Variants in TTN observed in about 807,000 individuals in gnomAD.
The protein encoded by TTN is connectin.
A neutral mutation model predicts 3,223.0 loss-of-function variants in TTN; 1,525 were observed. The ratio of observed to expected loss-of-function variants is 0.47; its 90% CI spans 0.45 to 0.49. TTN has a LOEUF of 0.49. Ranked by LOEUF, TTN falls within the 20% of genes least tolerant of loss-of-function variation. TTN has a pLI of 0.00. For missense variants in TTN, 40,786 were observed against 43,424.0 expected (o/e 0.94, Z 5.40); for synonymous variants, 14,094 against 15,161.0 (o/e 0.93, Z 5.17).
chr2:178,740,787 T>A lies in TTN; in HGVS notation c.12446A>T (p.Asn4149Ile). 1 of 1,613,510 alleles carries A rather than the reference T, an allele frequency of 6.2e-7. No homozygotes were observed. Reference sequence around the variant, plus strand: ...GGACTGTACAATCTGCAGCTGTAGGTTGGGAGATGGTTCCTTGAGAGGCTG... The same window carrying A: ...GGACTGTACAATCTGCAGCTGTAGGATGGGAGATGGTTCCTTGAGAGGCTG... ...HFQPLKEPSPNLQLQIVQSQK... is the reference protein window; with the variant it reads ...HFQPLKEPSPILQLQIVQSQK... The change falls in exon 48 of 363, where the codon AAC (asparagine) becomes ATC (isoleucine). Residue 4149 changes from asparagine to isoleucine, a missense_variant. Physicochemically the swap from Asn to Ile is moderately radical, Grantham distance 149 (BLOSUM62 -3). Transcript: ENST00000589042.
chr2:178,745,675 G>C, intron 47 of TTN: 3 of 1,611,876 alleles, frequency 1.9e-6, no homozygotes, highest in Non-Finnish European at 2.5e-6. Flanking sequence ...TCTTTACTAA[G>C]CTTGTTATAA....
chr2:178,561,472 A>G lies in TTN; in HGVS notation c.84660T>C (p.Asp28220=), dbSNP rs1202234591. 6.2e-7 allele frequency: 1 copy of G among 1,613,806 alleles called. No homozygotes were observed. Among genetic ancestry groups the G allele is most frequent in the South Asian group, 1.1e-5 (1 of 91,084 alleles). ...ADTQMKVSGL[D]EGLMYEYRVY... is the part of the protein sequence containing the mutation. Reference sequence around the variant, plus strand: ...CACGATACTCATACATCAGTCCTTCATCAAGGCCGGAGACTTTCATTTGAG... The same window carrying G: ...CACGATACTCATACATCAGTCCTTCGTCAAGGCCGGAGACTTTCATTTGAG... Residue 28220 remains aspartate, a synonymous_variant, in exon 326 of 363, where the codon GAT becomes GAC. Coordinates refer to ENST00000589042, the MANE Select transcript of TTN (RefSeq NM_001267550.2).
In TTN at chr2:178,714,280, C is replaced by A; in HGVS notation, c.26482+12G>T. On this transcript the variant is annotated intron_variant, in intron 91 of 362. Transcript: ENST00000589042. ...TGCCTTGTATCTGTGATAACATCAT[C>A]TTTTTACTAACCGAGAACGGATAGC... 1 of 1,607,740 alleles carries A rather than the reference C, an allele frequency of 6.2e-7. No individual in the cohort carries two copies. The highest frequency in any genetic ancestry group is 1.1e-5 in the South Asian group (1 of 90,538).
chr2:178,627,595 T>TA (rs1480464469), intron 240 of TTN, among the ~76,000 whole-genome samples: 2 of 151,974 alleles, frequency 1.3e-5, no homozygotes, highest in African/African-American at 4.8e-5. Flanking sequence ...AAAAGAGATG[T>TA]AAAGGGGCCC....
Position 178,624,502 on chromosome 2 carries a change from A to T in TTN, c.44778T>A (p.Ala14926=), listed in dbSNP as rs369800238. Residue 14926 remains alanine (A), a synonymous_variant, in exon 242 of 363, where the codon GCT becomes GCA. Coordinates refer to ENST00000589042, the MANE Select transcript of TTN (RefSeq NM_001267550.2). ...GGTTACAGGAAGTCTTAAAATCCTT[A>T]GCATCACAAGTGTATGTTTTAATAT... ...PEDIKTYTCD[A]KDFKTSCNLN... The T allele has an allele frequency of 1.9e-6, 3 of 1,612,560 alleles. No homozygotes were observed. In the African/African-American group the frequency reaches 4.0e-5, roughly 22 times the overall value.
At position 178,773,948 on chromosome 2, in the gene TTN, T is replaced by C. The variant is rs748869225; in HGVS notation, c.7220A>G (p.Lys2407Arg). Residue 2407 changes from lysine (K) to arginine (R), a missense_variant, in exon 31 of 363, where the codon AAA becomes AGA. By Grantham distance (26) the Lys-to-Arg change is conservative. Coordinates refer to ENST00000589042, the MANE Select transcript of TTN (RefSeq NM_001267550.2). ...TTCAATGAGCAGCATATGAGATTGT[T>C]TGTCTATCACAATGTGAACCCTGTC... ...PSDRVHIVID[K>R]QSHMLLIEDM... 2.5e-6 allele frequency: 4 copies of C among 1,614,126 alleles called. No individual in the cohort carries two copies. In the Admixed American group the frequency reaches 5.0e-5, roughly 20 times the overall value.
At position 178,577,222 on chromosome 2, in the gene TTN, A is replaced by G; in HGVS notation, c.69113T>C (p.Leu23038Pro). The change falls in exon 324 of 363, where the codon CTT becomes CCT. Residue 23038 changes from leucine to proline, a missense_variant. Leu to Pro is a moderately conservative substitution (Grantham distance 98). Transcript: ENST00000589042. ...TKVEHVKVTV[L>P]DVPGPPGPVE... Reference sequence around the variant, plus strand: ...AGGACCTGGGGGACCAGGTACATCAAGGACTGTTACCTTCACATGTTCCAC... The same window carrying G: ...AGGACCTGGGGGACCAGGTACATCAGGGACTGTTACCTTCACATGTTCCAC... 6.2e-7 allele frequency: 1 copy of G among 1,612,982 alleles called. No individual in the cohort carries two copies. The highest frequency in any genetic ancestry group is 8.5e-7 in the Non-Finnish European group (1 of 1,179,486).
Position 178,741,281 on chromosome 2 carries a change from G to T in TTN, c.11952C>A (p.Tyr3984Ter). 6.2e-7 allele frequency: 1 copy of T among 1,613,888 alleles called. No homozygotes were observed. Among genetic ancestry groups the T allele is most frequent in the Non-Finnish European group, 8.5e-7 (1 of 1,179,840 alleles). Residue 3984 changes from tyrosine to a stop codon, truncating the protein, a stop_gained, in exon 48 of 363, where the codon TAC (tyrosine) becomes TAA (stop). Transcript: ENST00000589042. LOFTEE classifies it high-confidence loss of function. ...ENKQLCTSVY[Y>*]TIIHNPNGSG... ...AGCCATTAGGGTTATGAATGATAGT[G>T]TAATAAACACTGGTGCAAAGCTGCT...
rs537445357 is a variant in TTN, at chr2:178,601,283, T to C, written c.55714A>G (p.Thr18572Ala). Residue 18572 changes from threonine to alanine, a missense_variant, in exon 287 of 363, where the codon ACT becomes GCT. By Grantham distance (58) the Thr-to-Ala change is moderately conservative. Transcript: ENST00000589042. ...GPPVETIQRT[T>A]ARDPIYPPDP... ...AGCTTACATATCGGATCTCTGGCAG[T>C]GGTCCTCTGAATGGTTTCCACAGGT... 16 of 1,558,460 alleles carry C rather than the reference T, an allele frequency of 1.0e-5. No homozygotes were observed. The African/African-American group carries it at 2.1e-4, about 20-fold the overall frequency.
chr2:178,771,620 G>GAAATAT, intron 33 of TTN, 149 bp from the exon 34 acceptor site: 1 of 1,173,356 alleles, frequency 8.5e-7, no homozygotes, highest in East Asian at 2.6e-5. Context: ...ATATTGAGAA[G>GAAATAT]GTACCAAAGA....
At chr2:178,768,229 C>A in intron 38 of TTN, 74 bp from the exon 39 acceptor site, 1 of 1,505,594 alleles carries the variant, frequency 6.6e-7, no homozygotes, top group Non-Finnish European at 9.1e-7. Context: ...CTGTACAATC[C>A]ACCAATTTAA....
chr2:178,589,110 T>A lies in TTN; in HGVS notation c.62615A>T (p.Lys20872Ile). The change falls in exon 304 of 363, where the codon AAA becomes ATA. Residue 20872 changes from lysine to isoleucine, a missense_variant. By Grantham distance (102) the Lys-to-Ile change is moderately radical. Coordinates refer to ENST00000589042, the MANE Select transcript of TTN (RefSeq NM_001267550.2). ...CCTATCACTGGACACATCAACAATT[T>A]TCAGATTTCTCACAGGACCAGGCTT... is the stretch of plus-strand genomic sequence containing the variant. ...LDKPGPVRNL[K>I]IVDVSSDRCT... 1.2e-6 allele frequency: 2 copies of A among 1,611,686 alleles called. No homozygotes were observed. The highest frequency in any genetic ancestry group is 2.2e-5 in the South Asian group (2 of 91,072).
rs1575596898 is a variant in TTN, at chr2:178,558,892, T to C, written c.86822-255A>G. On this transcript the variant is annotated intron_variant, in intron 326 of 362. Transcript: ENST00000589042. ...ATTAAATGATAAAATTTACTCCAAA[T>C]TCACCATGGGGATAAAAAAGAGGAA... 4 of 481,174 alleles carry C rather than the reference T, an allele frequency of 8.3e-6. No homozygotes were observed. The East Asian group carries it at 1.6e-4, about 19-fold the overall frequency. 29.8% of individuals were successfully genotyped at this position (481,174 alleles called of 1,614,324 possible). A position where few individuals can be genotyped will look rare whatever the true frequency, so the allele number is the denominator to read the frequency against.
At chr2:178,762,801 T>C (rs781375549) in intron 43 of TTN, among the ~76,000 whole-genome samples, 3 of 152,236 alleles carry the variant, frequency 2.0e-5, no homozygotes, top group Non-Finnish European at 2.9e-5. Flanking sequence ...TTGATGTTTA[T>C]ATAATTCCTC....
rs753866751 is a variant in TTN, at chr2:178,707,483, G to T, written c.29041+43C>A. 5 of 1,541,510 alleles carry T rather than the reference G, an allele frequency of 3.2e-6. No homozygotes were observed. The Admixed American group carries it at 9.4e-5, about 29-fold the overall frequency. ...TCATAATAAGCAAATAAACATGAGT[G>T]GTTGCTGGCTTGAGCTGCATAATAC... On this transcript the variant is annotated intron_variant, in intron 100 of 362. Coordinates refer to ENST00000589042, the MANE Select transcript of TTN (RefSeq NM_001267550.2).
intron 43 of TTN, among the ~76,000 whole-genome samples, chr2:178,763,816 A>C (rs2089821426): frequency 6.6e-6 from 1 of 152,228 alleles, no homozygotes; most frequent in South Asian, 2.1e-4. Context: ...TTATATGTAG[A>C]TGCTATTATA....
rs1064793367 is a variant in TTN, at chr2:178,592,602, AC to A, written c.59402del (p.Gly19801ValfsTer4). The A allele has an allele frequency of 6.2e-7, 1 of 1,613,438 alleles. No individual in the cohort carries two copies. Among genetic ancestry groups the A allele is most frequent in the African/African-American group, 1.3e-5 (1 of 75,010 alleles). On this transcript the variant is annotated frameshift_variant, in exon 301 of 363. Coordinates refer to ENST00000589042, the MANE Select transcript of TTN (RefSeq NM_001267550.2). LOFTEE classifies it high-confidence loss of function. Reference protein sequence around the residue: ...NMAREQHIKVGDTLRLSAIIK... With the variant: ...NMAREQHIKVXDTLRLSAIIK... ...TGATGGCACTAAGTCTTAGAGTATC[AC>A]CAACTTTAATGTGTTGTTCTCTTGC...
Position 178,568,060 on chromosome 2 carries a change from A to G in TTN, c.78072T>C (p.Gly26024=). The change falls in exon 326 of 363, where the codon GGT becomes GGC. Residue 26024 remains glycine (G), a synonymous_variant. Coordinates refer to ENST00000589042, the MANE Select transcript of TTN (RefSeq NM_001267550.2). ...TTCTTTCTTTTCTCTCCAGGTGGTA[A>G]CCTATGACGGGGCTTCCACCATTGT... is the stretch of plus-strand genomic sequence containing the variant. ...PVNNGGSPVI[G]YHLERKERNS... 1 of 1,613,324 alleles carries G rather than the reference A, an allele frequency of 6.2e-7. No homozygotes were observed. Among genetic ancestry groups the G allele is most frequent in the Non-Finnish European group, 8.5e-7 (1 of 1,179,602 alleles).
rs1208605882 is a variant in TTN at position 178,722,896 on chromosome 2, C to T, written c.22003G>A (p.Ala7335Thr). The change falls in exon 76 of 363, where the codon GCA becomes ACA. Residue 7335 changes from alanine to threonine, a missense_variant. Coordinates refer to ENST00000589042, the MANE Select transcript of TTN (RefSeq NM_001267550.2). ...TGTAAAGAAACCGAATCTCCAACTG[C>T]TGCCTCCAGAGGTTCCAGTTCCGTA... ...FVTELEPLEA[A>T]VGDSVSLQCQ... is the part of the protein sequence containing the mutation. 2.5e-6 allele frequency: 4 copies of T among 1,612,752 alleles called. No individual in the cohort carries two copies. The highest frequency in any genetic ancestry group is 1.7e-5 in the Admixed American group (1 of 59,886).
Sources: allele counts gnomAD v4.1 joint callset (sites outside exome capture counted in the v4.1 genomes callset), GRCh38; gene constraint gnomAD v4.1.1; transcripts MANE v1.5; gene names NCBI Gene and HGNC (gene_info 2026-07-23, HGNC 2026-07-21).